TRPC7: variants seen among roughly 807,000 people sequenced by gnomAD.
TRPC7 encodes the protein transient receptor potential cation channel subfamily C member 7, also known as short transient receptor potential channel 7.
A neutral mutation model predicts 90.1 loss-of-function variants in TRPC7; 42 were observed. The observed-to-expected ratio is 0.47, with a 90% CI of 0.36 to 0.60. The LOEUF is 0.60. Among genes scored for constraint, TRPC7 ranks in the 20% least tolerant of loss-of-function variants. The probability of loss-of-function intolerance (pLI) is 0.00; values close to 1 mark genes in which losing one functional copy is unlikely to be tolerated. For missense variants in TRPC7, 955 were observed against 1,112.3 expected, an observed-to-expected ratio of 0.86 and a Z score of 2.01; for synonymous variants, 451 against 436.3, an observed-to-expected ratio of 1.03 and a Z score of -0.42.
chr5:136,354,442 C>T (rs1439348285), intron 2 of TRPC7, among the ~76,000 whole-genome samples: 1 of 152,078 alleles, frequency 6.6e-6, no homozygotes, highest in Admixed American at 6.6e-5. Context: ...TAATTATTAT[C>T]TAGTCCCAAT....
chr5:136,324,201 G>A (rs1263812660), intron 2 of TRPC7, among the ~76,000 whole-genome samples: 1 of 151,972 alleles, frequency 6.6e-6, no homozygotes, highest in Non-Finnish European at 1.5e-5. Flanking sequence ...GATTCTTTGG[G>A]ATTTTCTACA....
intron 3 of TRPC7, among the ~76,000 whole-genome samples, chr5:136,302,123 A>C (rs1169136510): frequency 6.6e-6 from 1 of 152,192 alleles, no homozygotes; most frequent in African/African-American, 2.4e-5. Flanking sequence ...CAAAGGAGAC[A>C]TGTTTTATCT....
intron 3 of TRPC7, among the ~76,000 whole-genome samples, chr5:136,283,165 C>G (rs1757598247): frequency 6.6e-6 from 1 of 152,226 alleles, no homozygotes. Flanking sequence ...GGCGAACTTT[C>G]TTCTGCAGTT....
intron 3 of TRPC7, among the ~76,000 whole-genome samples, chr5:136,304,265 A>G (rs1758522788): frequency 6.6e-6 from 1 of 151,986 alleles, no homozygotes; most frequent in Non-Finnish European, 1.5e-5. Flanking sequence ...CCATCTCATT[A>G]AAACCTAATC....
intron 2 of TRPC7, among the ~76,000 whole-genome samples, chr5:136,352,442 T>G (rs1760221994): frequency 6.6e-6 from 1 of 151,864 alleles, no homozygotes; most frequent in Non-Finnish European, 1.5e-5. Flanking sequence ...ACTAGCAAAA[T>G]AAAATGGACC....
At chr5:136,362,946 G>T (rs1182611998) in intron 1 of TRPC7, among the ~76,000 whole-genome samples, 2 of 152,066 alleles carry the variant, frequency 1.3e-5, no homozygotes, top group African/African-American at 4.8e-5. Flanking sequence ...AATCTGGGTT[G>T]ATCATTTAAG....
chr5:136,305,830 G>T (rs1269124628), intron 3 of TRPC7, among the ~76,000 whole-genome samples: 2 of 152,120 alleles, frequency 1.3e-5, no homozygotes. Flanking sequence ...CAGACTAAAG[G>T]TCTTTTAAAA....
intron 3 of TRPC7, among the ~76,000 whole-genome samples, chr5:136,289,976 C>T (rs767207793): frequency 3.3e-5 from 5 of 152,142 alleles, no homozygotes; most frequent in African/African-American, 4.8e-5. Flanking sequence ...GCAGCATTTG[C>T]GGTTCACCAA....
intron 3 of TRPC7, among the ~76,000 whole-genome samples, chr5:136,289,683 G>A (rs1286502201): frequency 6.6e-6 from 1 of 152,242 alleles, no homozygotes; most frequent in Non-Finnish European, 1.5e-5. Flanking sequence ...AGCTCAAGGA[G>A]GCCTGCCTGC....
intron 2 of TRPC7, among the ~76,000 whole-genome samples, chr5:136,344,674 G>C (rs1759949173): frequency 6.6e-6 from 1 of 152,148 alleles, no homozygotes; most frequent in Non-Finnish European, 1.5e-5. Context: ...TTAGTCTGCT[G>C]TGTTCACTGA....
In TRPC7 at chr5:136,251,630, G is replaced by C; in HGVS notation, c.1579+19C>G. On this transcript the variant is annotated intron_variant, in intron 6 of 11. Transcript: ENST00000513104. ...CCGGAAGCGCCAAAATGGAGTAGGGGAAGCACTCTCCGACTCACCGTAGGT... is the reference window on the plus strand; with the variant it reads ...CCGGAAGCGCCAAAATGGAGTAGGGCAAGCACTCTCCGACTCACCGTAGGT... The C allele has an allele frequency of 1.9e-6, 3 of 1,571,224 alleles. No individual in the cohort carries two copies. Among genetic ancestry groups the C allele is most frequent in the Non-Finnish European group, 2.6e-6 (3 of 1,151,348 alleles).
intron 3 of TRPC7, among the ~76,000 whole-genome samples, chr5:136,278,327 A>C (rs1388945130): frequency 6.6e-6 from 1 of 152,236 alleles, no homozygotes; most frequent in Non-Finnish European, 1.5e-5. Context: ...GCATGGCCAG[A>C]GTTCTCTGCT....
intron 3 of TRPC7, among the ~76,000 whole-genome samples, chr5:136,285,844 C>G (rs1442026140): frequency 6.6e-6 from 1 of 152,230 alleles, no homozygotes; most frequent in East Asian, 1.9e-4. Context: ...CAGTGCCCCT[C>G]CACAGTATTC....
At chr5:136,250,189 G>C (rs1335534751) in intron 6 of TRPC7, among the ~76,000 whole-genome samples, 1 of 152,190 alleles carries the variant, frequency 6.6e-6, no homozygotes, top group Non-Finnish European at 1.5e-5. Context: ...GGGTGGGTGG[G>C]TGGATGACTT....
intron 4 of TRPC7, among the ~76,000 whole-genome samples, chr5:136,269,385 C>G (rs1757132044): frequency 6.6e-6 from 1 of 152,182 alleles, no homozygotes; most frequent in Non-Finnish European, 1.5e-5. Context: ...GGGTGGGCAC[C>G]TGCGTTTACT....
chr5:136,357,877 A>G (rs1398880149), intron 1 of TRPC7, among the ~76,000 whole-genome samples: 2 of 152,224 alleles, frequency 1.3e-5, no homozygotes, highest in Non-Finnish European at 2.9e-5. Flanking sequence ...AAGTCAATGT[A>G]GGTTTTATTC....
At chr5:136,313,062 C>A (rs929434455) in intron 3 of TRPC7, among the ~76,000 whole-genome samples, 4 of 148,042 alleles carry the variant, frequency 2.7e-5, no homozygotes, top group African/African-American at 1.0e-4. Context: ...AGCAATCCTC[C>A]TGTCTCAGCT....
intron 7 of TRPC7, among the ~76,000 whole-genome samples, chr5:136,234,721 A>G (rs1252899647): frequency 1.3e-5 from 2 of 152,218 alleles, no homozygotes; most frequent in Non-Finnish European, 2.9e-5. Flanking sequence ...AGGTGGGCCT[A>G]TTGGTTTGAT....
intron 7 of TRPC7, among the ~76,000 whole-genome samples, chr5:136,241,034 C>T (rs1469680141): frequency 1.3e-5 from 2 of 152,078 alleles, no homozygotes; most frequent in African/African-American, 4.8e-5. Flanking sequence ...GGATCCTCTC[C>T]CTCAGCTGCA....
Sources: gnomAD v4.1 joint callset for allele counts (sites outside exome capture counted in the v4.1 genomes callset) on GRCh38, gnomAD v4.1.1 for gene constraint, MANE v1.5 for transcripts, NCBI Gene and HGNC (gene_info 2026-07-23, HGNC 2026-07-21) for gene names.